RAD51B: variants seen among roughly 807,000 people sequenced by gnomAD.
The protein encoded by RAD51B is DNA repair protein RAD51 homolog 2.
RAD51B carries 38 observed loss-of-function variants against 42.2 expected under a neutral mutation model. That is an observed-to-expected ratio of 0.90 (90% CI 0.70 to 1.18). The LOEUF is 1.18. Ranked by LOEUF, RAD51B falls within the 50% of genes most tolerant of loss-of-function variation. The pLI is 0.00. For synonymous variants in RAD51B, 154 were observed against 145.2 expected (o/e 1.06, Z -0.43); for missense variants, 373 against 400.7 (o/e 0.93, Z 0.59).
rs569077363 is a variant in RAD51B, at chr14:67,875,750, T to C, written c.453-10119T>C. ...TCCCCATTATTATGCGCCATACAGC[T>C]GTATTTAGAGTGTCATTCTTTCTGG... On this transcript the variant is annotated intron_variant, in intron 5 of 10. Coordinates refer to ENST00000471583, the MANE Select transcript of RAD51B (RefSeq NM_133510.4). 2.6e-5 allele frequency among the ~76,000 whole-genome samples: 4 copies of C among 152,280 alleles called. No homozygotes were observed. In the East Asian group the frequency reaches 5.8e-4, roughly 22 times the overall value.
At chr14:68,090,674 TTTTA>T (rs1046516545) in intron 7 of RAD51B, among the ~76,000 whole-genome samples, 52 of 150,026 alleles carry the variant, frequency 3.5e-4, no homozygotes, top group Admixed American at 2.7e-4. Flanking sequence ...GTCTGTATGA[TTTTA>T]TTTATTTTAT....
At chr14:68,076,464 T>G (rs891085844) in intron 7 of RAD51B, among the ~76,000 whole-genome samples, 1 of 152,184 alleles carries the variant, frequency 6.6e-6, no homozygotes, top group African/African-American at 2.4e-5. Context: ...GCTAAAAGAT[T>G]AACACATGGA....
At chr14:67,982,412 A>C (rs1043596113) in intron 7 of RAD51B, among the ~76,000 whole-genome samples, 1 of 152,150 alleles carries the variant, frequency 6.6e-6, no homozygotes, top group African/African-American at 2.4e-5. Flanking sequence ...TAATTTATGT[A>C]TTTATAAACA....
chr14:68,135,189 A>G (rs2077982916), intron 7 of RAD51B, among the ~76,000 whole-genome samples: 1 of 152,186 alleles, frequency 6.6e-6, no homozygotes, highest in African/African-American at 2.4e-5. Context: ...TAGTGTTTTA[A>G]TTAATGTAGC....
At chr14:67,938,561 A>G (rs983341346) in intron 7 of RAD51B, among the ~76,000 whole-genome samples, 2 of 152,232 alleles carry the variant, frequency 1.3e-5, no homozygotes, top group South Asian at 2.1e-4. Flanking sequence ...TGTTCCATAC[A>G]TAATATAAAG....
At chr14:68,491,600 C>T (rs1315133453) in intron 10 of RAD51B, among the ~76,000 whole-genome samples, 1 of 152,150 alleles carries the variant, frequency 6.6e-6, no homozygotes, top group African/African-American at 2.4e-5. Context: ...GTCCAGAAAC[C>T]CGTCTTAGTC....
At chr14:67,988,541 AG>A (rs527302569) in intron 7 of RAD51B, among the ~76,000 whole-genome samples, 155 of 152,294 alleles carry the variant, frequency 1.0e-3, no homozygotes, top group Non-Finnish European at 1.7e-3. Flanking sequence ...TTCCAGGATC[AG>A]GTGTAATAGG....
chr14:68,668,949 TAAGGA>T (rs1233872205), intron 11 of RAD51B, among the ~76,000 whole-genome samples: 1 of 152,248 alleles, frequency 6.6e-6, no homozygotes, highest in African/African-American at 2.4e-5. Context: ...TTGAGCTCAT[TAAGGA>T]AAGAAAGAGG....
intron 7 of RAD51B, among the ~76,000 whole-genome samples, chr14:67,931,123 G>A (rs1449861279): frequency 1.3e-5 from 2 of 151,914 alleles, no homozygotes; most frequent in East Asian, 1.9e-4. Context: ...GGGTTTCACC[G>A]TGTTAGCCAG....
chr14:68,520,005 C>A (rs556578262), intron 10 of RAD51B, among the ~76,000 whole-genome samples: 12 of 152,304 alleles, frequency 7.9e-5, no homozygotes, highest in South Asian at 2.1e-4. Context: ...TTTGCACCTG[C>A]CTGAGGGAGT....
intron 7 of RAD51B, among the ~76,000 whole-genome samples, chr14:68,010,841 A>G (rs1367626220): frequency 6.6e-6 from 1 of 151,920 alleles, no homozygotes; most frequent in South Asian, 2.1e-4. Context: ...AATTTATAAT[A>G]AATAGGGCTT....
At chr14:68,637,108 C>A (rs1892356525) in intron 10 of RAD51B, among the ~76,000 whole-genome samples, 1 of 152,088 alleles carries the variant, frequency 6.6e-6, no homozygotes, top group South Asian at 2.1e-4. Flanking sequence ...CAGACAGGGT[C>A]TTGCTCCATT....
At chr14:68,204,523 T>C (rs973416410) in intron 7 of RAD51B, among the ~76,000 whole-genome samples, 9 of 152,220 alleles carry the variant, frequency 5.9e-5, no homozygotes, top group African/African-American at 2.2e-4. Flanking sequence ...CACAGAGACA[T>C]GCATGAGCAC....
chr14:68,332,044 C>G (rs1389794579), intron 8 of RAD51B, among the ~76,000 whole-genome samples: 1 of 152,144 alleles, frequency 6.6e-6, no homozygotes, highest in Non-Finnish European at 1.5e-5. Flanking sequence ...GCAGCAAAAC[C>G]CGACTTCCAA....
At chr14:68,242,217 T>C (rs2080403007) in intron 7 of RAD51B, among the ~76,000 whole-genome samples, 1 of 152,222 alleles carries the variant, frequency 6.6e-6, no homozygotes, top group Admixed American at 6.5e-5. Context: ...CTTGGCTCAG[T>C]CCATCCTGTT....
At chr14:68,503,391 G>A (rs1410552267) in intron 10 of RAD51B, among the ~76,000 whole-genome samples, 1 of 1,082 alleles carries the variant, frequency 9.2e-4, no homozygotes, top group Non-Finnish European at 3.6e-3. Context: ...GGGCCTCAGG[G>A]AGGAGAAACA....
At chr14:68,165,277 G>A (rs191222305) in intron 7 of RAD51B, among the ~76,000 whole-genome samples, 2 of 152,156 alleles carry the variant, frequency 1.3e-5, no homozygotes, top group East Asian at 3.9e-4. Flanking sequence ...TGTCCCATTA[G>A]TAACTTGTTG....
At position 68,368,700 on chromosome 14, in the gene RAD51B, A is replaced by G. The variant is rs113633635; in HGVS notation, c.854-42724A>G. On this transcript the variant is annotated intron_variant, in intron 8 of 10. Transcript: ENST00000471583. Reference sequence around the variant, plus strand: ...GCTGCTGCTTTAGTATCTTTACTTCACTCTTAAAGTGGGGAATGAGAGAAA... The same window carrying G: ...GCTGCTGCTTTAGTATCTTTACTTCGCTCTTAAAGTGGGGAATGAGAGAAA... Among the ~76,000 whole-genome samples, 8 of 152,196 alleles carry G rather than the reference A, an allele frequency of 5.3e-5. 1 individual carries two copies. Among genetic ancestry groups the G allele is most frequent in the African/African-American group, 1.9e-4 (8 of 41,532 alleles).
intron 7 of RAD51B, among the ~76,000 whole-genome samples, chr14:68,089,944 A>C (rs1278261057): frequency 6.6e-6 from 1 of 152,122 alleles, no homozygotes; most frequent in Non-Finnish European, 1.5e-5. Flanking sequence ...TTATGCCCTA[A>C]ATTATATTAT....
Sources: allele counts gnomAD v4.1 joint callset (sites outside exome capture counted in the v4.1 genomes callset), GRCh38; gene constraint gnomAD v4.1.1; transcripts MANE v1.5; gene names NCBI Gene and HGNC (gene_info 2026-07-23, HGNC 2026-07-21).